CAB39: variants seen among roughly 807,000 people sequenced by gnomAD.
CAB39 encodes calcium-binding protein 39.
CAB39 carries 8 observed loss-of-function variants against 40.0 expected under a neutral mutation model. That is an observed-to-expected ratio of 0.20 (90% CI 0.12 to 0.36). The LOEUF is 0.36. Ranked by LOEUF, CAB39 falls within the 10% of genes least tolerant of loss-of-function variation. The pLI, the probability that CAB39 is intolerant of heterozygous loss-of-function variation, is 1.00. For missense variants in CAB39, 270 were observed against 401.1 expected, an observed-to-expected ratio of 0.67 and a Z score of 2.79; for synonymous variants, 156 against 141.6, an observed-to-expected ratio of 1.10 and a Z score of -0.72.
chr2:230,777,362 G>GT (rs544926190), intron 2 of CAB39, among the ~76,000 whole-genome samples: 3,915 of 123,338 alleles, frequency 0.032, 82 homozygotes, highest in African/African-American at 0.066. Flanking sequence ...TGTTTTTTTT[G>GT]TTTTTTTTTT....
At chr2:230,739,943 C>T (rs1254586225) in intron 1 of CAB39, among the ~76,000 whole-genome samples, 1 of 152,176 alleles carries the variant, frequency 6.6e-6, no homozygotes, top group African/African-American at 2.4e-5. Context: ...TCGATCTTAT[C>T]AGTGGTTTAT....
intron 1 of CAB39, among the ~76,000 whole-genome samples, chr2:230,729,562 C>T (rs1478104874): frequency 6.6e-6 from 1 of 151,874 alleles, no homozygotes; most frequent in African/African-American, 2.4e-5. Flanking sequence ...ACCAGCCTGG[C>T]CAACATGGTG....
intron 1 of CAB39, among the ~76,000 whole-genome samples, chr2:230,747,330 T>G: frequency 6.6e-6 from 1 of 152,248 alleles, no homozygotes; most frequent in Non-Finnish European, 1.5e-5. Context: ...TGCTGTAGTT[T>G]CCAAAAATTA....
intron 4 of CAB39, among the ~76,000 whole-genome samples, chr2:230,796,247 C>T (rs201950171): frequency 1.3e-5 from 2 of 152,142 alleles, no homozygotes; most frequent in East Asian, 3.8e-4. Flanking sequence ...TCTTCTTAGG[C>T]TGTGAGTACT....
chr2:230,756,245 A>G (rs1298497121), intron 1 of CAB39, among the ~76,000 whole-genome samples: 1 of 152,218 alleles, frequency 6.6e-6, no homozygotes, highest in African/African-American at 2.4e-5. Context: ...ACAAACCTAG[A>G]TAGTATAGTC....
chr2:230,745,985 A>C (rs933093067), intron 1 of CAB39, among the ~76,000 whole-genome samples: 1 of 152,122 alleles, frequency 6.6e-6, no homozygotes, highest in Non-Finnish European at 1.5e-5. Flanking sequence ...TATCCTTTTC[A>C]TGTTTATTTG....
intron 5 of CAB39, among the ~76,000 whole-genome samples, chr2:230,808,115 T>A (rs1220940156): frequency 6.6e-6 from 1 of 151,698 alleles, no homozygotes; most frequent in Non-Finnish European, 1.5e-5. Context: ...AGGTGAAGTT[T>A]CACTATTGTT....
At chr2:230,795,775 A>C (rs748641564) in intron 4 of CAB39, among the ~76,000 whole-genome samples, 1 of 152,152 alleles carries the variant, frequency 6.6e-6, no homozygotes, top group African/African-American at 2.4e-5. Flanking sequence ...TGTTTCTATA[A>C]AGAAGAACCC....
At chr2:230,809,391 G>A (rs145115875) in intron 5 of CAB39, among the ~76,000 whole-genome samples, 2 of 152,184 alleles carry the variant, frequency 1.3e-5, no homozygotes, top group African/African-American at 4.8e-5. Flanking sequence ...GATGATTGGC[G>A]CTATCTTCTT....
At chr2:230,736,014 G>A (rs566816767) in intron 1 of CAB39, among the ~76,000 whole-genome samples, 13 of 152,110 alleles carry the variant, frequency 8.5e-5, no homozygotes, top group Non-Finnish European at 1.6e-4. Context: ...GAGTTATGCC[G>A]ACCATCTCTC....
intron 1 of CAB39, among the ~76,000 whole-genome samples, chr2:230,740,081 T>G (rs947484575): frequency 1.3e-5 from 2 of 152,230 alleles, no homozygotes; most frequent in Admixed American, 6.5e-5. Context: ...ATTTGGTGAC[T>G]CTTGTTTTCT....
At chr2:230,786,720 A>T (rs1441370708) in intron 2 of CAB39, among the ~76,000 whole-genome samples, 1 of 152,244 alleles carries the variant, frequency 6.6e-6, no homozygotes, top group East Asian at 1.9e-4. Flanking sequence ...ACTGGTGTAG[A>T]ATCAATAGAT....
chr2:230,781,815 A>AAT (rs2124945189), intron 2 of CAB39, among the ~76,000 whole-genome samples: 1 of 152,372 alleles, frequency 6.6e-6, no homozygotes, highest in South Asian at 2.1e-4. Context: ...GCTGCTATGA[A>AAT]GGGAACCAAG....
chr2:230,748,989 T>G (rs917873098), intron 1 of CAB39, among the ~76,000 whole-genome samples: 43 of 145,648 alleles, frequency 3.0e-4, no homozygotes, highest in Non-Finnish European at 6.0e-4. Flanking sequence ...GCAGGATAAA[T>G]GTGCGCCCCC....
chr2:230,784,063 A>T (rs1161629148), intron 2 of CAB39, among the ~76,000 whole-genome samples: 1 of 152,198 alleles, frequency 6.6e-6, no homozygotes, highest in Non-Finnish European at 1.5e-5. Context: ...AGTACACGAT[A>T]TATTAATCTA....
chr2:230,762,813 C>T (rs1399886810), intron 2 of CAB39, among the ~76,000 whole-genome samples: 3 of 152,180 alleles, frequency 2.0e-5, no homozygotes, highest in Non-Finnish European at 4.4e-5. Flanking sequence ...TCTGCTCTTT[C>T]GTAGCTTCCG....
chr2:230,778,022 A>G (rs1015092211), intron 2 of CAB39, among the ~76,000 whole-genome samples: 3 of 152,262 alleles, frequency 2.0e-5, no homozygotes, highest in African/African-American at 7.2e-5. Flanking sequence ...TGCCTCTGAT[A>G]AGAAGGAAGA....
chr2:230,733,830 G>T (rs537594713), intron 1 of CAB39, among the ~76,000 whole-genome samples: 1 of 152,360 alleles, frequency 6.6e-6, no homozygotes, highest in Admixed American at 6.5e-5. Context: ...CGTTTTGGGA[G>T]TTGAGTTTAG....
At chr2:230,791,335 T>C (rs977277792) in intron 3 of CAB39, among the ~76,000 whole-genome samples, 5 of 152,208 alleles carry the variant, frequency 3.3e-5, no homozygotes, top group African/African-American at 9.7e-5. Context: ...ATTAGAGCAC[T>C]CTAGTACTCT....
Sources: allele counts gnomAD v4.1 joint callset (sites outside exome capture counted in the v4.1 genomes callset), GRCh38; gene constraint gnomAD v4.1.1; transcripts MANE v1.5; gene names NCBI Gene and HGNC (gene_info 2026-07-23, HGNC 2026-07-21).